CMYA5: variants seen among roughly 807,000 people sequenced by gnomAD.
CMYA5 encodes the protein cardiomyopathy associated 5.
In CMYA5, 246 loss-of-function variants were observed where a neutral mutation model predicts 318.9. The observed-to-expected ratio is 0.77, with a 90% CI of 0.70 to 0.86. CMYA5 has a LOEUF of 0.86. Among genes scored for constraint, CMYA5 ranks in the 40% least tolerant of loss-of-function variants. The pLI is 0.00. For missense variants in CMYA5, 4,589 were observed against 4,678.2 expected (o/e 0.98, Z 0.56); for synonymous variants, 1,641 against 1,729.5 (o/e 0.95, Z 1.27).
At position 79,733,502 on chromosome 5, in the gene CMYA5, T is replaced by G. The variant is rs775860017; in HGVS notation, c.4737T>G (p.Gly1579=). The stretch of plus-strand genomic sequence containing the variant: ...CTGAGTTGGAAAATTTAGCATCAGG[T>G]TTAGCCCCAACATTACTGCTCCTCA... ...SSPELENLAS[G]LAPTLLLLSD... is the part of the protein sequence containing the mutation. The change falls in exon 2 of 13, where the codon GGT becomes GGG. Residue 1579 remains glycine, a synonymous_variant. Transcript: ENST00000446378. 3 of 1,613,900 alleles carry G rather than the reference T, an allele frequency of 1.9e-6. No individual in the cohort carries two copies. The East Asian group carries it at 6.7e-5, about 36-fold the overall frequency.
Position 79,734,279 on chromosome 5 carries a change from T to C in CMYA5, c.5514T>C (p.Asp1838=), listed in dbSNP as rs773529340. ...LHSDQTVKLP[D]VSTSSEDKQD... is the part of the protein sequence containing the mutation. ...CAGATCAAACTGTTAAATTACCTGATGTAAGCACCTCTTCTGAAGATAAAC... is the reference window on the plus strand; with the variant it reads ...CAGATCAAACTGTTAAATTACCTGACGTAAGCACCTCTTCTGAAGATAAAC... Residue 1838 remains aspartate (D), a synonymous_variant, in exon 2 of 13, where the codon GAT becomes GAC. Transcript: ENST00000446378. 3.7e-6 allele frequency: 6 copies of C among 1,613,506 alleles called. No homozygotes were observed. Among genetic ancestry groups the C allele is most frequent in the Non-Finnish European group, 5.1e-6 (6 of 1,179,766 alleles).
intron 9 of CMYA5, among the ~76,000 whole-genome samples, chr5:79,765,202 C>T (rs559415770): frequency 1.3e-5 from 2 of 152,284 alleles, no homozygotes; most frequent in African/African-American, 4.8e-5. Context: ...CAATTGTCTG[C>T]TTATGGCTAG....
In CMYA5 at chr5:79,734,720, A is replaced by T. The variant is rs528391183; in HGVS notation, c.5955A>T (p.Val1985=). The T allele has an allele frequency of 2.9e-5, 46 of 1,613,760 alleles. No homozygotes were observed. In the South Asian group the frequency reaches 4.9e-4, roughly 17 times the overall value. The part of the protein sequence containing the change: ...LSSKSYSSEE[V]KLAEEPKSLV... ...GTAAAAGTTACTCTTCTGAAGAAGT[A>T]AAGCTGGCTGAAGAACCAAAGTCTT... The change falls in exon 2 of 13, where the codon GTA becomes GTT. Residue 1985 remains valine (V), a synonymous_variant. Coordinates refer to ENST00000446378, the MANE Select transcript of CMYA5 (RefSeq NM_153610.5).
intron 12 of CMYA5, among the ~76,000 whole-genome samples, chr5:79,795,497 C>T (rs111983312): frequency 3.9e-5 from 6 of 152,252 alleles, no homozygotes; most frequent in African/African-American, 7.2e-5. Context: ...TCAAGGCTTC[C>T]GCACCTCCTC....
chr5:79,705,938 G>A lies in CMYA5; in HGVS notation c.149+15882G>A, dbSNP rs553122531. On this transcript the variant is annotated intron_variant, in intron 1 of 12. Transcript: ENST00000446378. ...CATCATATGTTCCTGGCACAGAGTG[G>A]GACATGGACGAGTGTCAGTTTTCTC... 1.9e-3 allele frequency among the ~76,000 whole-genome samples: 290 copies of A among 152,260 alleles called. 1 individual carries two copies. The highest frequency in any genetic ancestry group is 6.7e-3 in the African/African-American group (279 of 41,528).
At chr5:79,764,373 G>C (rs896004833) in intron 9 of CMYA5, among the ~76,000 whole-genome samples, 1 of 152,134 alleles carries the variant, frequency 6.6e-6, no homozygotes, top group Admixed American at 6.5e-5. Flanking sequence ...TGGTATATAA[G>C]TGCCACATTT....
chr5:79,713,182 A>G (rs1313014546), intron 1 of CMYA5, among the ~76,000 whole-genome samples: 1 of 152,142 alleles, frequency 6.6e-6, no homozygotes, highest in Non-Finnish European at 1.5e-5. Context: ...ATATCTGAAG[A>G]CATTTTTTAT....
chr5:79,730,573 A>T lies in CMYA5; in HGVS notation c.1808A>T (p.Asp603Val). The change falls in exon 2 of 13, where the codon GAT (aspartate) becomes GTT (valine). Residue 603 changes from aspartate (D) to valine (V), a missense_variant. Asp to Val is a radical substitution (Grantham distance 152, BLOSUM62 -3). Around this residue, in one of 3 missense-constraint regions of CMYA5, gnomAD observed 2,132 missense variants for 2,131.3 expected, o/e 1.00. Coordinates refer to ENST00000446378, the MANE Select transcript of CMYA5 (RefSeq NM_153610.5). ...GTATCAGAGTATTCAGTACCACAGGATTTGAACCATGAATTACAGGAGCAA... is the reference window on the plus strand; with the variant it reads ...GTATCAGAGTATTCAGTACCACAGGTTTTGAACCATGAATTACAGGAGCAA... ...AFVSEYSVPQ[D>V]LNHELQEQEG... 6.2e-7 allele frequency: 1 copy of T among 1,614,020 alleles called. No homozygotes were observed. The highest frequency in any genetic ancestry group is 2.2e-5 in the East Asian group (1 of 44,888).
Position 79,793,525 on chromosome 5 carries a change from G to A in CMYA5, c.11878G>A (p.Gly3960Ser), listed in dbSNP as rs771531796. The change falls in exon 12 of 13, where the codon GGC becomes AGC. Residue 3960 changes from glycine (G) to serine (S), a missense_variant. Physicochemically the swap from Gly to Ser is moderately conservative, Grantham distance 56. Coordinates refer to ENST00000446378, the MANE Select transcript of CMYA5 (RefSeq NM_153610.5). ...TVTDCPAYRLGICSSSAVQAG... is the reference protein window; with the variant it reads ...TVTDCPAYRLSICSSSAVQAG... ...CACAGACTGCCCAGCATATCGACTC[G>A]GCATCTGCTCCAGCTCGGCTGTGCA... 37 of 1,613,746 alleles carry A rather than the reference G, an allele frequency of 2.3e-5. No homozygotes were observed. The highest frequency in any genetic ancestry group is 4.0e-5 in the African/African-American group (3 of 74,888).
At chr5:79,723,101 G>A (rs1022266985) in intron 1 of CMYA5, among the ~76,000 whole-genome samples, 1 of 152,094 alleles carries the variant, frequency 6.6e-6, no homozygotes, top group African/African-American at 2.4e-5. Flanking sequence ...GTTCTATGAG[G>A]CATCATAATC....
rs1366272 is a variant in CMYA5 at position 79,752,739 on chromosome 5, C to T, written c.11055C>T (p.Phe3685=). The T allele has an allele frequency of 0.12, 198,143 of 1,612,730 alleles. 15,837 individuals are homozygous for T. Among genetic ancestry groups the T allele is most frequent in the East Asian group, 0.45 (20,362 of 44,816 alleles). Residue 3685 remains phenylalanine (F), a synonymous_variant, in exon 6 of 13, where the codon TTC becomes TTT. Transcript: ENST00000446378. ...AAATGCCTGCTGCGTTTTCCCTTTT[C>T]GAACATTATGATGACAGCTCGGCAA... ...LEKMPAAFSL[F]EHYDDSSARS...
Position 79,737,389 on chromosome 5 carries a change from C to T in CMYA5, c.8624C>T (p.Ala2875Val). 6.2e-7 allele frequency: 1 copy of T among 1,613,840 alleles called. No homozygotes were observed. The highest frequency in any genetic ancestry group is 1.1e-5 in the South Asian group (1 of 91,076). The change falls in exon 2 of 13, where the codon GCT becomes GTT. Residue 2875 changes from alanine (A) to valine (V), a missense_variant. This residue lies in a region of CMYA5 where 2,431 missense variants were observed against 2,495.1 expected (regional missense o/e 0.97). Coordinates refer to ENST00000446378, the MANE Select transcript of CMYA5 (RefSeq NM_153610.5). ...SVLVSKHHLEAAEDTRVKEPL... is the reference protein window; with the variant it reads ...SVLVSKHHLEVAEDTRVKEPL... ...CTTGTTTCAAAGCACCACTTGGAGG[C>T]TGCGGAAGATACCCGTGTAAAGGAA...
At chr5:79,724,738 C>CT (rs908805225) in intron 1 of CMYA5, among the ~76,000 whole-genome samples, 1 of 152,198 alleles carries the variant, frequency 6.6e-6, no homozygotes, top group African/African-American at 2.4e-5. Flanking sequence ...CATTTCTCTT[C>CT]TGTTAATACA....
At chr5:79,765,087 G>T (rs1482288887) in intron 9 of CMYA5, among the ~76,000 whole-genome samples, 1 of 152,110 alleles carries the variant, frequency 6.6e-6, no homozygotes, top group Non-Finnish European at 1.5e-5. Context: ...GAATGGTATT[G>T]CCTAGGTTTT....
intron 6 of CMYA5, among the ~76,000 whole-genome samples, chr5:79,758,115 A>G (rs186013925): frequency 0.019 from 2,877 of 152,226 alleles, 98 homozygotes; most frequent in African/African-American, 0.066. Context: ...CTGTAATCCC[A>G]GCTACTCAGG....
chr5:79,747,504 T>G (rs1828351268), intron 5 of CMYA5, among the ~76,000 whole-genome samples: 1 of 152,250 alleles, frequency 6.6e-6, no homozygotes, highest in Non-Finnish European at 1.5e-5. Flanking sequence ...GTAATTTTAA[T>G]GAACTGTTCT....
intron 9 of CMYA5, among the ~76,000 whole-genome samples, chr5:79,787,768 G>A (rs1440142319): frequency 6.6e-6 from 1 of 152,192 alleles, no homozygotes. Context: ...TTAGACATGG[G>A]GTCAGGGTGG....
chr5:79,714,591 C>A (rs1479353037), intron 1 of CMYA5, among the ~76,000 whole-genome samples: 1 of 151,938 alleles, frequency 6.6e-6, no homozygotes, highest in African/African-American at 2.4e-5. Context: ...GCATGTGCCA[C>A]CATGCCTTGC....
Position 79,735,951 on chromosome 5 carries a change from G to A in CMYA5, c.7186G>A (p.Ala2396Thr). 1 of 1,611,892 alleles carries A rather than the reference G, an allele frequency of 6.2e-7. No individual in the cohort carries two copies. The highest frequency in any genetic ancestry group is 8.5e-7 in the Non-Finnish European group (1 of 1,179,288). Residue 2396 changes from alanine to threonine, a missense_variant, in exon 2 of 13, where the codon GCA (alanine) becomes ACA (threonine). Physicochemically the swap from Ala to Thr is moderately conservative, Grantham distance 58 (BLOSUM62 0). Around this residue, in one of 3 missense-constraint regions of CMYA5, gnomAD observed 2,431 missense variants for 2,495.1 expected, o/e 0.97. Coordinates refer to ENST00000446378, the MANE Select transcript of CMYA5 (RefSeq NM_153610.5). ...QQPKSASSNF[A>T]SKNITKESEK... is the part of the protein sequence containing the mutation. The stretch of plus-strand genomic sequence containing the variant: ...GCCAAAATCAGCTTCCTCCAACTTT[G>A]CAAGTAAAAATATCACAAAGGAATC...
Sources: allele counts gnomAD v4.1 joint callset (sites outside exome capture counted in the v4.1 genomes callset), GRCh38; gene constraint gnomAD v4.1.1; regional missense constraint gnomAD v4.1.1; transcripts MANE v1.5; gene names NCBI Gene and HGNC (gene_info 2026-07-23, HGNC 2026-07-21).